The following UNC79 variants were observed in gnomAD, a reference collection of about 807,000 sequenced individuals.
UNC79 encodes the protein protein unc-79 homolog.
In UNC79, 37 loss-of-function variants were observed where a neutral mutation model predicts 283.1. That is an observed-to-expected ratio of 0.13 (90% CI 0.10 to 0.17). The LOEUF (loss-of-function observed/expected upper bound fraction) is 0.17, where lower values mean the gene tolerates loss of function less well. Ranked by LOEUF, UNC79 falls within the 10% of genes least tolerant of loss-of-function variation. UNC79 has a pLI of 1.00. For synonymous variants in UNC79, 1,107 were observed against 1,200.2 expected, an observed-to-expected ratio of 0.92 and a Z score of 1.61; for missense variants, 2,272 against 3,211.1, an observed-to-expected ratio of 0.71 and a Z score of 7.07.
At chr14:93,381,821 A>G (rs540472190) in intron 1 of UNC79, among the ~76,000 whole-genome samples, 11 of 152,324 alleles carry the variant, frequency 7.2e-5, no homozygotes, top group African/African-American at 2.4e-4. Flanking sequence ...TGCCATGGTC[A>G]GAGAGCTTTA....
chr14:93,598,408 GT>G (rs555460437), intron 24 of UNC79, among the ~76,000 whole-genome samples: 53,193 of 118,072 alleles, frequency 0.45, 10,327 homozygotes, highest in Admixed American at 0.55. Context: ...GTGTGTGTGT[GT>G]GGCAGATTTT....
At chr14:93,630,658 A>G in intron 30 of UNC79, 143 bp from the exon 33 acceptor site, 1 of 636,832 alleles carries the variant, frequency 1.6e-6, no homozygotes, top group South Asian at 2.0e-5. Flanking sequence ...TGTATATGTA[A>G]TTCCATGAAA....
rs569777861 is a variant in UNC79, at chr14:93,468,734, G to A, written c.143+943G>A. 2.0e-5 allele frequency among the ~76,000 whole-genome samples: 3 copies of A among 152,280 alleles called. No individual in the cohort carries two copies. In the South Asian group the frequency reaches 6.2e-4, roughly 32 times the overall value. ...TCAAGTCAGCTACGAATCTTTTGCAGTCCTCCTATCTTTCTGTTCTTATTT... is the reference window on the plus strand; with the variant it reads ...TCAAGTCAGCTACGAATCTTTTGCAATCCTCCTATCTTTCTGTTCTTATTT... On this transcript the variant is annotated intron_variant, in intron 2 of 48. Coordinates refer to ENST00000555664, the Ensembl canonical transcript of UNC79.
chr14:93,569,274 A>G (rs990915670), intron 14 of UNC79, among the ~76,000 whole-genome samples: 3 of 152,098 alleles, frequency 2.0e-5, no homozygotes, highest in African/African-American at 7.2e-5. Flanking sequence ...CGTCTCTACT[A>G]AAAATACAAA....
intron 1 of UNC79, among the ~76,000 whole-genome samples, chr14:93,333,809 C>T (rs2053511433): frequency 6.6e-6 from 1 of 152,132 alleles, no homozygotes; most frequent in Admixed American, 6.5e-5. Flanking sequence ...TTCATTTGAA[C>T]GCCAAAGCCA....
intron 1 of UNC79, among the ~76,000 whole-genome samples, chr14:93,413,418 G>T (rs1258350293): frequency 1.3e-5 from 2 of 150,966 alleles, no homozygotes; most frequent in African/African-American, 4.9e-5. Context: ...TCTTAATCCA[G>T]TCTATCATTG....
At chr14:93,697,431 C>A (rs116210135) in intron 47 of UNC79, among the ~76,000 whole-genome samples, 1 of 152,124 alleles carries the variant, frequency 6.6e-6, no homozygotes, top group Non-Finnish European at 1.5e-5. Flanking sequence ...CCACTATGCC[C>A]GGCCAGATCT....
chr14:93,502,052 A>G (rs557084576), intron 7 of UNC79, among the ~76,000 whole-genome samples: 11 of 152,340 alleles, frequency 7.2e-5, no homozygotes, highest in African/African-American at 1.2e-4. Context: ...GTGATCTACA[A>G]TGTTTTTTCC....
At chr14:93,370,760 A>C (rs2054426751) in intron 1 of UNC79, among the ~76,000 whole-genome samples, 1 of 152,098 alleles carries the variant, frequency 6.6e-6, no homozygotes, top group Non-Finnish European at 1.5e-5. Context: ...CTACAGAGCG[A>C]GACCCTGTCT....
At chr14:93,611,768 T>C (rs1436914857) in intron 26 of UNC79, among the ~76,000 whole-genome samples, 1 of 152,022 alleles carries the variant, frequency 6.6e-6, no homozygotes, top group Non-Finnish European at 1.5e-5. Flanking sequence ...GAATGAGAGA[T>C]GAGAATGCCA....
At chr14:93,576,753 A>T (rs903435776) in intron 17 of UNC79, among the ~76,000 whole-genome samples, 5 of 151,926 alleles carry the variant, frequency 3.3e-5, no homozygotes, top group Non-Finnish European at 7.3e-5. Flanking sequence ...AGTGCTGGAG[A>T]TGCTCCCAGA....
chr14:93,352,762 T>C (rs530358817), intron 1 of UNC79, among the ~76,000 whole-genome samples: 32 of 152,338 alleles, frequency 2.1e-4, no homozygotes, highest in Admixed American at 3.9e-4. Context: ...AAACACCTTA[T>C]TTAATATACA....
chr14:93,486,656 G>GAAAAAAAAAAAA (rs374088349), intron 4 of UNC79, among the ~76,000 whole-genome samples: 1 of 78,502 alleles, frequency 1.3e-5, no homozygotes, highest in African/African-American at 4.2e-5. Flanking sequence ...CTCTGTCTAA[G>GAAAAAAAAAAAA]GAAAAAAAAA....
At chr14:93,595,442 C>T (rs1250012795) in intron 23 of UNC79, among the ~76,000 whole-genome samples, 2 of 151,984 alleles carry the variant, frequency 1.3e-5, no homozygotes, top group Non-Finnish European at 2.9e-5. Flanking sequence ...TTTTTGAATG[C>T]CTAGAGAATA....
chr14:93,404,594 A>G (rs2055188735), intron 1 of UNC79, among the ~76,000 whole-genome samples: 1 of 146,126 alleles, frequency 6.8e-6, no homozygotes, highest in Non-Finnish European at 1.5e-5. Context: ...ATATTTTTCA[A>G]ATGAGCAGGG....
chr14:93,424,265 G>A (rs2055674988), intron 1 of UNC79, among the ~76,000 whole-genome samples: 1 of 152,066 alleles, frequency 6.6e-6, no homozygotes, highest in African/African-American at 2.4e-5. Context: ...CACTCTTGGT[G>A]GAAATGTAAA....
chr14:93,403,580 A>G (rs569542233), intron 1 of UNC79, among the ~76,000 whole-genome samples: 1 of 152,198 alleles, frequency 6.6e-6, no homozygotes, highest in Admixed American at 6.5e-5. Context: ...ATGAGTCCTC[A>G]GATAGAAAGT....
intron 7 of UNC79, among the ~76,000 whole-genome samples, chr14:93,508,216 A>C (rs2059645555): frequency 6.6e-6 from 1 of 151,436 alleles, no homozygotes; most frequent in Non-Finnish European, 1.5e-5. Flanking sequence ...AAAAAAAAAA[A>C]ACCCACTAAA....
At chr14:93,495,019 A>G (rs930024215) in intron 5 of UNC79, among the ~76,000 whole-genome samples, 5 of 152,094 alleles carry the variant, frequency 3.3e-5, no homozygotes, top group African/African-American at 9.7e-5. Flanking sequence ...CTTTCGTTTT[A>G]TCAGAGGGAG....
Sources: gnomAD v4.1 joint callset for allele counts (sites outside exome capture counted in the v4.1 genomes callset) on GRCh38, gnomAD v4.1.1 for gene constraint, MANE v1.5 for transcripts, NCBI Gene and HGNC (gene_info 2026-07-23, HGNC 2026-07-21) for gene names.